The following TGIF1 variants were observed in gnomAD, a reference collection of about 807,000 sequenced individuals.
The protein encoded by TGIF1 is homeobox protein TGIF1.
Under a neutral mutation model 19.3 loss-of-function variants are expected in TGIF1, and 4 were observed. The ratio of observed to expected loss-of-function variants is 0.21; its 90% CI spans 0.10 to 0.47. TGIF1 has a LOEUF of 0.47. Among genes scored for constraint, TGIF1 ranks in the 20% least tolerant of loss-of-function variants. TGIF1 has a pLI of 0.98. For synonymous variants in TGIF1, 122 were observed against 129.3 expected, an observed-to-expected ratio of 0.94 and a Z score of 0.38; for missense variants, 275 against 341.4, an observed-to-expected ratio of 0.81 and a Z score of 1.53.
chr18:3,449,538 T>TGGCCCCCCCC, upstream of TGIF1: 3 of 961,946 alleles, frequency 3.1e-6, no homozygotes, highest in Non-Finnish European at 3.7e-6. Flanking sequence ...GTCTCATCAT[T>TGGCCCCCCCC]CCCCCCCGCC....
At chr18:3,448,096 C>A, upstream of TGIF1, 1 of 937,636 alleles carries the variant, frequency 1.1e-6, no homozygotes, top group Non-Finnish European at 1.2e-6. Flanking sequence ...AGGGTTAAAC[C>A]GACCGAAGGC....
intron 2 of TGIF1, among the ~76,000 whole-genome samples, chr18:3,436,877 G>A (rs911930683): frequency 6.6e-6 from 1 of 151,672 alleles, no homozygotes; most frequent in Non-Finnish European, 1.5e-5. Context: ...GGCCGAGGTG[G>A]GTGGATCATT....
exon 1 of TGIF1, chr18:3,412,141 T>TGAGGTTCCAGCCCCGCC (rs1555644556): frequency 8.5e-5 from 13 of 152,614 alleles, no homozygotes; most frequent in African/African-American, 3.1e-4. Flanking sequence ...GACTCGAGCC[T>TGAGGTTCCAGCCCCGCC]GCGGTTCCAG....
Position 3,458,246 on chromosome 18 carries a change from G to A in TGIF1, c.*306G>A. The stretch of plus-strand genomic sequence containing the variant: ...CTTCCCTTTTTTTGTTATTTTTTCA[G>A]ACTGTGCAATACTTAGAGAACCTAT... On this transcript the variant is annotated 3_prime_UTR_variant, in exon 3 of 3. Transcript: ENST00000343820. 5.5e-6 allele frequency: 2 copies of A among 365,790 alleles called. No individual in the cohort carries two copies. The highest frequency in any genetic ancestry group is 1.0e-5 in the Non-Finnish European group (2 of 200,530). The allele number at this position is 365,790 out of a possible 1,614,324, so 22.7% of individuals were successfully genotyped here. A position where few individuals can be genotyped will look rare whatever the true frequency, so the allele number is the denominator to read the frequency against.
At chr18:3,433,317 G>A (rs1410648787) in intron 2 of TGIF1, among the ~76,000 whole-genome samples, 3 of 151,654 alleles carry the variant, frequency 2.0e-5, no homozygotes, top group South Asian at 2.1e-4. Flanking sequence ...CACGTGATCC[G>A]CCCGCCTCAG....
At chr18:3,430,120 C>T (rs1290117014) in intron 2 of TGIF1, among the ~76,000 whole-genome samples, 6 of 152,218 alleles carry the variant, frequency 3.9e-5, no homozygotes, top group African/African-American at 1.4e-4. Context: ...CGCAACATTG[C>T]ACTCCAGCTG....
chr18:3,456,428 G>A lies in TGIF1; in HGVS notation c.91G>A (p.Ala31Thr), dbSNP rs371311801. ...CATTCCCTTGGACCTTTCTTCATCC[G>A]CTGGCTCAGGCAAGAGAAGGAGAAG... is the stretch of plus-strand genomic sequence containing the variant. ...MDIPLDLSSS[A>T]GSGKRRRRGN... The change falls in exon 2 of 3, where the codon GCT becomes ACT. Residue 31 changes from alanine to threonine, a missense_variant. Transcript: ENST00000343820. The surrounding 1 kb of genome is among the most constrained non-coding windows in gnomAD (Gnocchi z 4.2). The A allele has an allele frequency of 6.8e-6, 11 of 1,614,090 alleles. No homozygotes were observed. Among genetic ancestry groups the A allele is most frequent in the South Asian group, 4.4e-5 (4 of 91,094 alleles).
chr18:3,453,910 G>A (rs1358267291), intron 1 of TGIF1: 1 of 907,610 alleles, frequency 1.1e-6, no homozygotes, highest in Non-Finnish European at 1.3e-6. Flanking sequence ...CTTTTCAAAA[G>A]CGCTGTTACA....
At chr18:3,439,353 T>TC (rs971230422) in intron 2 of TGIF1, among the ~76,000 whole-genome samples, 2 of 151,814 alleles carry the variant, frequency 1.3e-5, no homozygotes, top group African/African-American at 4.8e-5. Context: ...TATTTTAATT[T>TC]TTTTTTTTTT....
chr18:3,422,296 TAAAAAAA>T (rs34822467), intron 2 of TGIF1, among the ~76,000 whole-genome samples: 7 of 80,432 alleles, frequency 8.7e-5, no homozygotes, highest in South Asian at 4.8e-4. Flanking sequence ...GTTTAAAAAG[TAAAAAAA>T]AAAAAAAAAA....
chr18:3,444,983 T>G (rs1226418345), intron 2 of TGIF1, among the ~76,000 whole-genome samples: 1 of 152,200 alleles, frequency 6.6e-6, no homozygotes, highest in African/African-American at 2.4e-5. Context: ...ACATCTGTGT[T>G]TGTCACAGCT....
Position 3,417,009 on chromosome 18 carries a change from C to G in TGIF1, c.-117-1134C>G, listed in dbSNP as rs549035759. ...ATACTCTTTTTAAAAAAAGAAATCT[C>G]ACTCGGAATTTATCATAAGTAAATC... On this transcript the variant is annotated intron_variant, in intron 1 of 3. Coordinates refer to the TGIF1 transcript ENST00000401449. Among the ~76,000 whole-genome samples, 8 of 151,840 alleles carry G rather than the reference C, an allele frequency of 5.3e-5. No homozygotes were observed. In the South Asian group the frequency reaches 1.7e-3, roughly 31 times the overall value.
At chr18:3,453,547 G>C (rs917228261) in intron 1 of TGIF1, among the ~76,000 whole-genome samples, 7 of 152,026 alleles carry the variant, frequency 4.6e-5, no homozygotes, top group Non-Finnish European at 1.0e-4. Flanking sequence ...TTAGCCGGGC[G>C]TGGTGGCTTT....
chr18:3,424,337 A>G (rs924171282), intron 2 of TGIF1, among the ~76,000 whole-genome samples: 1 of 152,158 alleles, frequency 6.6e-6, no homozygotes, highest in Non-Finnish European at 1.5e-5. Flanking sequence ...TCATGTTATT[A>G]ACTACAAAGG....
In TGIF1 at chr18:3,451,966, T is replaced by C. The variant is rs2082957939; in HGVS notation, c.16+1461T>C. 1 of 1,569,696 alleles carries C rather than the reference T, an allele frequency of 6.4e-7. No homozygotes were observed. Among genetic ancestry groups the C allele is most frequent in the South Asian group, 1.2e-5 (1 of 84,034 alleles). ...GGCCTCCCGGGAATAAGTGAGGGGCTCTGTGTTTCGAGGATGGTTCTAGCG... is the reference window on the plus strand; with the variant it reads ...GGCCTCCCGGGAATAAGTGAGGGGCCCTGTGTTTCGAGGATGGTTCTAGCG... On this transcript the variant is annotated intron_variant, in intron 1 of 2. Coordinates refer to ENST00000343820, the MANE Select transcript of TGIF1 (RefSeq NM_003244.4). The surrounding 1 kb of genome is among the most constrained non-coding windows in gnomAD (Gnocchi z 5.4).
At chr18:3,430,364 T>G (rs1187736559) in intron 2 of TGIF1, among the ~76,000 whole-genome samples, 1 of 152,228 alleles carries the variant, frequency 6.6e-6, no homozygotes, top group East Asian at 1.9e-4. Context: ...TTCTATATTT[T>G]TATTTGATAA....
At chr18:3,430,594 AC>A (rs1484466645) in intron 2 of TGIF1, among the ~76,000 whole-genome samples, 1 of 151,864 alleles carries the variant, frequency 6.6e-6, no homozygotes, top group African/African-American at 2.4e-5. Context: ...CCTCCACCTG[AC>A]ACAGGCTCAA....
chr18:3,452,274 G>A, intron 1 of TGIF1: 1 of 1,610,486 alleles, frequency 6.2e-7, no homozygotes, highest in Non-Finnish European at 8.5e-7. Context: ...CCCGGAGCTG[G>A]GGACCAAGGC....
In TGIF1 at chr18:3,451,630, G is replaced by C; in HGVS notation, c.16+1125G>C. The C allele has an allele frequency of 2.7e-6, 3 of 1,104,816 alleles. No individual in the cohort carries two copies. Among genetic ancestry groups the C allele is most frequent in the Non-Finnish European group, 3.3e-6 (3 of 907,620 alleles). 68.4% of individuals were successfully genotyped at this position (1,104,816 alleles called of 1,614,324 possible). On this transcript the variant is annotated intron_variant, in intron 1 of 2. Coordinates refer to ENST00000343820, the MANE Select transcript of TGIF1 (RefSeq NM_003244.4). The surrounding 1 kb of genome is among the most constrained non-coding windows in gnomAD (Gnocchi z 5.4). The stretch of plus-strand genomic sequence containing the variant: ...ACCCGGCCCGCTGCGGGGCGTTCCT[G>C]GGGGGTAGCCTCAAGGCCAGCGGGG...
Sources: allele counts gnomAD v4.1 joint callset (sites outside exome capture counted in the v4.1 genomes callset), GRCh38; gene constraint gnomAD v4.1.1; non-coding constraint Gnocchi (gnomAD v3.1); transcripts MANE v1.5; gene names NCBI Gene and HGNC (gene_info 2026-07-23, HGNC 2026-07-21).